The following TEX36 variants were observed in gnomAD, a reference collection of about 807,000 sequenced individuals.
The protein encoded by TEX36 is testis expressed 36.
A neutral mutation model predicts 13.6 loss-of-function variants in TEX36; 12 were observed. The observed-to-expected ratio is 0.88, with a 90% confidence interval of 0.56 to 1.43. TEX36 has a LOEUF of 1.43. Ranked by LOEUF, TEX36 falls within the 40% of genes most tolerant of loss-of-function variation. The probability of loss-of-function intolerance (pLI) is 0.00; values close to 1 mark genes in which losing one functional copy is unlikely to be tolerated. For synonymous variants in TEX36, 93 were observed against 83.0 expected, an observed-to-expected ratio of 1.12 and a Z score of -0.65; for missense variants, 224 against 228.3, an observed-to-expected ratio of 0.98 and a Z score of 0.12.
At chr10:125,678,176 G>A (rs1268202891) in intron 1 of TEX36, among the ~76,000 whole-genome samples, 1 of 152,174 alleles carries the variant, frequency 6.6e-6, no homozygotes. Context: ...ACTTTTATAA[G>A]GGAGGACATT....
chr10:125,674,755 A>G (rs1423565468), intron 1 of TEX36, among the ~76,000 whole-genome samples: 2 of 152,192 alleles, frequency 1.3e-5, no homozygotes, highest in African/African-American at 2.4e-5. Flanking sequence ...ACCTGGAATT[A>G]CCACCAGTGG....
downstream of TEX36, among the ~76,000 whole-genome samples, chr10:125,654,578 G>T (rs1846911624): frequency 6.6e-6 from 1 of 152,036 alleles, no homozygotes; most frequent in South Asian, 2.1e-4. Context: ...TAAAATTCAT[G>T]TACAGAAAAA....
intron 1 of TEX36, among the ~76,000 whole-genome samples, chr10:125,676,901 C>T (rs189062329): frequency 6.6e-6 from 1 of 152,180 alleles, no homozygotes; most frequent in Non-Finnish European, 1.5e-5. Context: ...GTAAAAAAGT[C>T]CTTCCCTCAG....
At chr10:125,604,889 T>C (rs1347302895) in intron 3 of TEX36, among the ~76,000 whole-genome samples, 1 of 151,834 alleles carries the variant, frequency 6.6e-6, no homozygotes, top group African/African-American at 2.4e-5. Flanking sequence ...GACTATCTAG[T>C]TGCAGGAAAA....
At chr10:125,581,670 T>C (rs773475280) in intron 3 of TEX36, among the ~76,000 whole-genome samples, 8 of 152,020 alleles carry the variant, frequency 5.3e-5, no homozygotes, top group Non-Finnish European at 8.8e-5. Flanking sequence ...CCCCCTAAGG[T>C]TGAGTAATTG....
intron 3 of TEX36, among the ~76,000 whole-genome samples, chr10:125,628,407 C>T (rs1846512757): frequency 1.3e-5 from 2 of 152,176 alleles, no homozygotes; most frequent in African/African-American, 4.8e-5. Flanking sequence ...GCAAAGTCTT[C>T]CTGGAATCAT....
At chr10:125,618,179 T>C (rs1846382377), downstream of TEX36, among the ~76,000 whole-genome samples, 1 of 152,130 alleles carries the variant, frequency 6.6e-6, no homozygotes. Flanking sequence ...ATTCTAGTTA[T>C]ACATTCTTCT....
At chr10:125,611,163 C>G (rs1051009015) in intron 3 of TEX36, among the ~76,000 whole-genome samples, 1 of 152,152 alleles carries the variant, frequency 6.6e-6, no homozygotes, top group Non-Finnish European at 1.5e-5. Flanking sequence ...CAGTTTTACT[C>G]TATTGTAAAT....
chr10:125,615,975 T>G lies in TEX36; in HGVS notation c.265-39101A>C, dbSNP rs184898868. On this transcript the variant is annotated intron_variant, in intron 3 of 3. Coordinates refer to the TEX36 transcript ENST00000532135. ...ACAATTTCAGCTCCTGTTATTGGTCTATTCAGAGATTCAACTTCTTCCTGG... is the reference window on the plus strand; with the variant it reads ...ACAATTTCAGCTCCTGTTATTGGTCGATTCAGAGATTCAACTTCTTCCTGG... Among the ~76,000 whole-genome samples the G allele has an allele frequency of 9.6e-3, 1,460 of 152,336 alleles. 22 individuals carry two copies. Among genetic ancestry groups the G allele is most frequent in the African/African-American group, 0.034 (1,408 of 41,560 alleles).
chr10:125,603,197 C>T (rs540377531), intron 3 of TEX36, among the ~76,000 whole-genome samples: 6 of 152,328 alleles, frequency 3.9e-5, no homozygotes, highest in African/African-American at 1.4e-4. Context: ...ATAAAAGCAC[C>T]ACCCCTCTCC....
intron 3 of TEX36, among the ~76,000 whole-genome samples, chr10:125,630,721 TA>T (rs777204917): frequency 3.7e-4 from 56 of 152,272 alleles, no homozygotes; most frequent in South Asian, 8.3e-4. Context: ...CACCCGGTCC[TA>T]ATGCACTCTC....
intron 3 of TEX36, among the ~76,000 whole-genome samples, chr10:125,587,315 C>T (rs1589741677): frequency 6.6e-6 from 1 of 152,076 alleles, no homozygotes; most frequent in Non-Finnish European, 1.5e-5. Flanking sequence ...TTACTGAGAC[C>T]CCATCTGGGG....
intron 3 of TEX36, among the ~76,000 whole-genome samples, chr10:125,624,932 C>T (rs1408057861): frequency 6.6e-6 from 1 of 152,158 alleles, no homozygotes; most frequent in African/African-American, 2.4e-5. Context: ...GAGCCGTCAA[C>T]ACAGGAGCCA....
intron 1 of TEX36, among the ~76,000 whole-genome samples, chr10:125,673,816 G>T (rs561646673): frequency 6.7e-6 from 1 of 148,350 alleles, no homozygotes; most frequent in African/African-American, 2.5e-5. Flanking sequence ...GTTTCCATTT[G>T]TAAGTGACCT....
At chr10:125,628,442 G>A (rs1474050348) in intron 3 of TEX36, among the ~76,000 whole-genome samples, 3 of 151,938 alleles carry the variant, frequency 2.0e-5, no homozygotes, top group Non-Finnish European at 2.9e-5. Flanking sequence ...TCAGAGAGGA[G>A]AATGGAAAAG....
At chr10:125,599,193 T>C (rs1407521895) in intron 3 of TEX36, among the ~76,000 whole-genome samples, 1 of 152,208 alleles carries the variant, frequency 6.6e-6, no homozygotes. Context: ...AAAACACCTA[T>C]AATCCTAGCA....
chr10:125,663,936 A>G (rs1847085951), intron 1 of TEX36, among the ~76,000 whole-genome samples: 1 of 152,150 alleles, frequency 6.6e-6, no homozygotes, highest in South Asian at 2.1e-4. Flanking sequence ...GCTATCAACT[A>G]CTAGATCTTA....
chr10:125,578,689 A>C lies in TEX36; in HGVS notation c.265-1815T>G, dbSNP rs975672472. ...AAACATTCTGTGGCTCTACCTCTAG[A>C]ATCTCCTCTGCTACACCCATGGCCA... On this transcript the variant is annotated intron_variant, in intron 3 of 3. Coordinates refer to the TEX36 transcript ENST00000532135. Among the ~76,000 whole-genome samples the C allele has an allele frequency of 2.4e-4, 36 of 152,048 alleles. 3 individuals carry two copies. Among genetic ancestry groups the C allele is most frequent in the Admixed American group, 2.4e-3 (36 of 15,278 alleles).
intron 1 of TEX36, among the ~76,000 whole-genome samples, chr10:125,672,708 C>T (rs1396569046): frequency 6.6e-6 from 1 of 152,176 alleles, no homozygotes; most frequent in East Asian, 1.9e-4. Flanking sequence ...TCTCAATGAT[C>T]TAACATTGAC....
Sources: allele counts gnomAD v4.1 joint callset (sites outside exome capture counted in the v4.1 genomes callset), GRCh38; gene constraint gnomAD v4.1.1; transcripts MANE v1.5; gene names NCBI Gene and HGNC (gene_info 2026-07-23, HGNC 2026-07-21).